SETMAR: variants seen among roughly 807,000 people sequenced by gnomAD.
The protein encoded by SETMAR is SET and mariner transposase domain methyltransferase, also known as histone-lysine N-methyltransferase SETMAR.
A neutral mutation model predicts 58.4 loss-of-function variants in SETMAR; 44 were observed. The ratio of observed to expected loss-of-function variants is 0.75; its 90% CI spans 0.59 to 0.97. The LOEUF is 0.97. Ranked by LOEUF, SETMAR falls within the 50% of genes least tolerant of loss-of-function variation. The probability of loss-of-function intolerance (pLI) is 0.00; values close to 1 mark genes in which losing one functional copy is unlikely to be tolerated. For synonymous variants in SETMAR, 332 were observed against 307.4 expected, an observed-to-expected ratio of 1.08 and a Z score of -0.84; for missense variants, 903 against 840.2, an observed-to-expected ratio of 1.07 and a Z score of -0.92.
Position 4,313,121 on chromosome 3 carries a change from A to C in SETMAR, c.380A>C (p.His127Pro), listed in dbSNP as rs772875847. Residue 127 changes from histidine to proline, a missense_variant, in exon 2 of 3, where the codon CAC becomes CCC. Physicochemically the swap from His to Pro is moderately conservative, Grantham distance 77. Transcript: ENST00000358065. ...AATGTCCTGTGCCGATGCAGTGACC[A>C]CTGCAGAAACAGAGTGGTCCAGAAA... ...ECNVLCRCSD[H>P]CRNRVVQKGL... 6.2e-7 allele frequency: 1 copy of C among 1,614,056 alleles called. No homozygotes were observed. Among genetic ancestry groups the C allele is most frequent in the South Asian group, 1.1e-5 (1 of 91,074 alleles).
intron 1 of SETMAR, among the ~76,000 whole-genome samples, chr3:4,305,954 G>C (rs1043046898): frequency 2.0e-5 from 3 of 152,216 alleles, no homozygotes; most frequent in Non-Finnish European, 4.4e-5. Context: ...GCATTGCTGA[G>C]TTCCTGGTCA....
chr3:4,316,292 A>G lies in SETMAR; in HGVS notation c.1101A>G (p.Glu367=), dbSNP rs1698641767. Residue 367 remains glutamate (E), a synonymous_variant, in exon 3 of 3, where the codon GAA becomes GAG. Transcript: ENST00000358065. ...TCAAAATGGGTCGTAAAGCAGCAGA[A>G]ACAACTCGCAACATCAACAATGCAT... ...FEFKMGRKAA[E]TTRNINNAFG... is the part of the protein sequence containing the mutation. The G allele has an allele frequency of 9.6e-7, 1 of 1,041,138 alleles. No individual in the cohort carries two copies. The highest frequency in any genetic ancestry group is 1.6e-5 in the African/African-American group (1 of 63,170). The allele number at this position is 1,041,138 out of a possible 1,614,324, so 64.5% of individuals were successfully genotyped here. A position where few individuals can be genotyped will look rare whatever the true frequency, so the allele number is the denominator to read the frequency against.
chr3:4,313,296 A>C lies in SETMAR; in HGVS notation c.555A>C (p.Gln185His), dbSNP rs1222497598. 2 of 1,613,886 alleles carry C rather than the reference A, an allele frequency of 1.2e-6. No homozygotes were observed. Among genetic ancestry groups the C allele is most frequent in the East Asian group, 4.5e-5 (2 of 44,898 alleles). ...AAGTTCAGAGAAGAATTCACTTACAAACAAAATCCGACTCCAATTACATTA... is the reference window on the plus strand; with the variant it reads ...AAGTTCAGAGAAGAATTCACTTACACACAAAATCCGACTCCAATTACATTA... Reference protein sequence around the residue: ...FSEVQRRIHLQTKSDSNYIIA... With the variant: ...FSEVQRRIHLHTKSDSNYIIA... Residue 185 changes from glutamine (Q) to histidine (H), a missense_variant, in exon 2 of 3, where the codon CAA (glutamine) becomes CAC (histidine). Coordinates refer to ENST00000358065, the MANE Select transcript of SETMAR (RefSeq NM_006515.4).
rs2125109303 is a variant in SETMAR, at chr3:4,316,621, C to G, written c.1430C>G (p.Ser477Cys). The G allele has an allele frequency of 6.4e-7, 1 of 1,551,226 alleles. No homozygotes were observed. Among genetic ancestry groups the G allele is most frequent in the East Asian group, 2.4e-5 (1 of 40,916 alleles). ...NQKNRRFEVS[S>C]SLILRNHNEP... The stretch of plus-strand genomic sequence containing the variant: ...AAAAATCGTCGTTTTGAAGTGTCAT[C>G]TTCTCTTATTCTACGCAACCACAAC... Residue 477 changes from serine (S) to cysteine (C), a missense_variant, in exon 3 of 3, where the codon TCT becomes TGT. Transcript: ENST00000358065.
chr3:4,313,990 C>A, intron 2 of SETMAR: 1 of 766,928 alleles, frequency 1.3e-6, no homozygotes, highest in East Asian at 2.7e-5. Context: ...AGTGACTGTT[C>A]TAGTTAATAG....
At chr3:4,304,583 C>T (rs1481260633) in intron 1 of SETMAR, among the ~76,000 whole-genome samples, 1 of 152,178 alleles carries the variant, frequency 6.6e-6, no homozygotes, top group Admixed American at 6.5e-5. Flanking sequence ...AGCTACTTCC[C>T]AGAGCCTGAG....
Position 4,317,057 on chromosome 3 carries a change from C to G in SETMAR, c.1866C>G (p.Thr622=). ...HPPYSPDLLP[T]NYHVFKHLNN... is the part of the protein sequence containing the mutation. ...CGTATTCACCTGACCTCTTGCCAAC[C>G]AACTACCACGTCTTTAAGCATCTCA... The change falls in exon 3 of 3, where the codon ACC becomes ACG. Residue 622 remains threonine (T), a synonymous_variant. Coordinates refer to ENST00000358065, the MANE Select transcript of SETMAR (RefSeq NM_006515.4). 5 of 1,549,322 alleles carry G rather than the reference C, an allele frequency of 3.2e-6. No homozygotes were observed. The highest frequency in any genetic ancestry group is 3.5e-6 in the Non-Finnish European group (4 of 1,146,698).
chr3:4,313,922 C>A, intron 2 of SETMAR, 161 bp downstream of exon 2: 1 of 1,309,642 alleles, frequency 7.6e-7, no homozygotes, highest in Non-Finnish European at 1.0e-6. Flanking sequence ...TAGAATTCTC[C>A]ATTTAACAAA....
In SETMAR at chr3:4,313,288, C is replaced by G; in HGVS notation, c.547C>G (p.His183Asp). ...LGFSEVQRRI[H>D]LQTKSDSNYI... ...ATTCTCTGAAGTTCAGAGAAGAATT[C>G]ACTTACAAACAAAATCCGACTCCAA... is the stretch of plus-strand genomic sequence containing the variant. Residue 183 changes from histidine (H) to aspartate (D), a missense_variant, in exon 2 of 3, where the codon CAC (histidine) becomes GAC (aspartate). His to Asp is a moderately conservative substitution (Grantham distance 81). Coordinates refer to ENST00000358065, the MANE Select transcript of SETMAR (RefSeq NM_006515.4). 6.2e-7 allele frequency: 1 copy of G among 1,613,838 alleles called. No homozygotes were observed. Among genetic ancestry groups the G allele is most frequent in the South Asian group, 1.1e-5 (1 of 91,044 alleles).
At chr3:4,313,931 A>G in intron 2 of SETMAR, 170 bp downstream of exon 2, 3 of 1,195,564 alleles carry the variant, frequency 2.5e-6, no homozygotes, top group Non-Finnish European at 2.3e-6. Flanking sequence ...CCATTTAACA[A>G]AAGTACATGA....
Position 4,313,188 on chromosome 3 carries a change from A to T in SETMAR, c.447A>T (p.Lys149Asn). The T allele has an allele frequency of 6.2e-7, 1 of 1,614,074 alleles. No homozygotes were observed. Among genetic ancestry groups the T allele is most frequent in the Non-Finnish European group, 8.5e-7 (1 of 1,179,986 alleles). ...TCCAAGTGTTCAAGACGCATAAAAAAGGCTGGGGACTTCGTACCTTGGAAT... is the reference window on the plus strand; with the variant it reads ...TCCAAGTGTTCAAGACGCATAAAAATGGCTGGGGACTTCGTACCTTGGAAT... ...FHFQVFKTHK[K>N]GWGLRTLEFI... The change falls in exon 2 of 3, where the codon AAA (lysine) becomes AAT (asparagine). Residue 149 changes from lysine to asparagine, a missense_variant. Coordinates refer to ENST00000358065, the MANE Select transcript of SETMAR (RefSeq NM_006515.4).
chr3:4,306,301 T>A (rs1197827533), intron 1 of SETMAR, among the ~76,000 whole-genome samples: 1 of 152,220 alleles, frequency 6.6e-6, no homozygotes, highest in Non-Finnish European at 1.5e-5. Context: ...ATAAATTATA[T>A]AAGTATCTCC....
intron 2 of SETMAR, 78 bp downstream of exon 2, chr3:4,313,839 G>A (rs1241548136): frequency 1.9e-6 from 3 of 1,586,540 alleles, no homozygotes; most frequent in Admixed American, 1.7e-5. Flanking sequence ...CCTCTGCCTA[G>A]TTACATAAGT....
In SETMAR at chr3:4,314,038, T is replaced by C. The variant is rs1698535809; in HGVS notation, c.1020+277T>C. 1.3e-5 allele frequency: 7 copies of C among 540,050 alleles called. No individual in the cohort carries two copies. In the Admixed American group the frequency reaches 2.5e-4, roughly 19 times the overall value. The allele number at this position is 540,050 out of a possible 1,614,324, so 33.5% of individuals were successfully genotyped here. A position where few individuals can be genotyped will look rare whatever the true frequency, so the allele number is the denominator to read the frequency against. The stretch of plus-strand genomic sequence containing the variant: ...AATGACAAGTCCTTAAATGGAGATA[T>C]CCTGCCCTTCACCTCCTCTTTCTTC... On this transcript the variant is annotated intron_variant, in intron 2 of 2. Coordinates refer to ENST00000358065, the MANE Select transcript of SETMAR (RefSeq NM_006515.4).
At chr3:4,313,911 A>G in intron 2 of SETMAR, 150 bp downstream of exon 2, 2 of 1,374,858 alleles carry the variant, frequency 1.5e-6, no homozygotes, top group Non-Finnish European at 1.9e-6. Flanking sequence ...CCTTTCTGTA[A>G]TAGAATTCTC....
chr3:4,317,139 C>G lies in SETMAR; in HGVS notation c.1948C>G (p.Gln650Glu). 1.9e-6 allele frequency: 3 copies of G among 1,547,054 alleles called. No individual in the cohort carries two copies. Among genetic ancestry groups the G allele is most frequent in the Non-Finnish European group, 2.6e-6 (3 of 1,144,348 alleles). ...CCAGCAGGATGCAGAAAATGCTTTCCAAGAGTTCGTCGAATCCCAAAGCAC... is the reference window on the plus strand; with the variant it reads ...CCAGCAGGATGCAGAAAATGCTTTCGAAGAGTTCGTCGAATCCCAAAGCAC... ...HNQQDAENAF[Q>E]EFVESQSTDF... The change falls in exon 3 of 3, where the codon CAA (glutamine) becomes GAA (glutamate). Residue 650 changes from glutamine to glutamate, a missense_variant. Coordinates refer to ENST00000358065, the MANE Select transcript of SETMAR (RefSeq NM_006515.4).
rs991892682 is a variant in SETMAR at position 4,312,730 on chromosome 3, A to G, written c.157-168A>G. On this transcript the variant is annotated intron_variant, in intron 1 of 2. Transcript: ENST00000358065. ...AAAAAAAAAAAAAAAAACTTGTTTT[A>G]TTGAAGAGAGATGTTTTTGGACAAT... is the stretch of plus-strand genomic sequence containing the variant. 1.4e-5 allele frequency among the ~76,000 whole-genome samples: 2 copies of G among 147,552 alleles called. 1 individual carries two copies. Among genetic ancestry groups the G allele is most frequent in the African/African-American group, 5.0e-5 (2 of 39,842 alleles).
At chr3:4,311,479 A>G (rs1052716112) in intron 1 of SETMAR, among the ~76,000 whole-genome samples, 1 of 152,196 alleles carries the variant, frequency 6.6e-6, no homozygotes, top group Non-Finnish European at 1.5e-5. Flanking sequence ...GGACCAGAAT[A>G]AAAAACAGCC....
chr3:4,316,469 T>C lies in SETMAR; in HGVS notation c.1278T>C (p.Leu426=), dbSNP rs777987235. The C allele has an allele frequency of 6.2e-7, 1 of 1,604,886 alleles. No individual in the cohort carries two copies. Among genetic ancestry groups the C allele is most frequent in the Non-Finnish European group, 8.5e-7 (1 of 1,175,804 alleles). The change falls in exon 3 of 3, where the codon CTT becomes CTC. Residue 426 remains leucine (L), a synonymous_variant. Coordinates refer to ENST00000358065, the MANE Select transcript of SETMAR (RefSeq NM_006515.4). ...QLRAIIEADP[L]TTTREVAEEL... The stretch of plus-strand genomic sequence containing the variant: ...GAGCAATCATCGAAGCTGATCCCCT[T>C]ACAACTACACGAGAAGTTGCTGAAG...
Sources: allele counts gnomAD v4.1 joint callset (sites outside exome capture counted in the v4.1 genomes callset), GRCh38; gene constraint gnomAD v4.1.1; transcripts MANE v1.5; gene names NCBI Gene and HGNC (gene_info 2026-07-23, HGNC 2026-07-21).